SGK3: variants seen among roughly 807,000 people sequenced by gnomAD.
SGK3 encodes the protein serum/glucocorticoid regulated kinase family member 3.
In SGK3, 47 loss-of-function variants were observed where a neutral mutation model predicts 68.5. The observed-to-expected ratio is 0.69, with a 90% CI of 0.54 to 0.87. The LOEUF (loss-of-function observed/expected upper bound fraction) is 0.87. Among genes scored for constraint, SGK3 ranks in the 40% least tolerant of loss-of-function variants. The pLI, the probability that SGK3 is intolerant of heterozygous loss-of-function variation, is 0.00. For missense variants in SGK3, 479 were observed against 575.5 expected (o/e 0.83, Z 1.72); for synonymous variants, 181 against 189.1 (o/e 0.96, Z 0.35).
chr8:66,727,650 G>T (rs891074736), intron 1 of SGK3, among the ~76,000 whole-genome samples: 1 of 152,150 alleles, frequency 6.6e-6, no homozygotes, highest in African/African-American at 2.4e-5. Flanking sequence ...GCTTTCTGCC[G>T]TATGAGGACA....
At chr8:66,726,848 TCCTGAA>T (rs1341125601) in intron 1 of SGK3, among the ~76,000 whole-genome samples, 1 of 142,340 alleles carries the variant, frequency 7.0e-6, no homozygotes, top group Non-Finnish European at 1.5e-5. Context: ...TTGTGTTAAA[TCCTGAA>T]CCTATAGAAT....
At chr8:66,760,357 C>T (rs1422235171) in intron 1 of SGK3, among the ~76,000 whole-genome samples, 6 of 113,034 alleles carry the variant, frequency 5.3e-5, no homozygotes, top group East Asian at 2.8e-4. Flanking sequence ...TTTTTTGAGA[C>T]GGAGTCTTGC....
At chr8:66,733,448 T>A (rs1236089364) in intron 1 of SGK3, among the ~76,000 whole-genome samples, 1 of 152,222 alleles carries the variant, frequency 6.6e-6, no homozygotes, top group South Asian at 2.1e-4. Context: ...ATTGTTTTAG[T>A]AAGTCTTTTC....
chr8:66,810,418 C>G (rs1231243635), intron 4 of SGK3, among the ~76,000 whole-genome samples: 2 of 152,094 alleles, frequency 1.3e-5, no homozygotes, highest in African/African-American at 4.8e-5. Context: ...AAAATAAAGT[C>G]AGCTGGGAGC....
At chr8:66,754,647 A>G (rs534544804) in intron 1 of SGK3, among the ~76,000 whole-genome samples, 1 of 152,366 alleles carries the variant, frequency 6.6e-6, no homozygotes, top group South Asian at 2.1e-4. Flanking sequence ...GTCATTTTAT[A>G]CAATATTTTA....
chr8:66,794,288 G>A lies in SGK3; in HGVS notation c.96+456G>A, dbSNP rs561072372. ...AGGCTAAGCCATTTCTAATTTTATC[G>A]TTTATCACTGTAGTATCTACTATAG... is the stretch of plus-strand genomic sequence containing the variant. On this transcript the variant is annotated intron_variant, in intron 2 of 16. Coordinates refer to ENST00000521198, the MANE Select transcript of SGK3 (RefSeq NM_001033578.3). Among the ~76,000 whole-genome samples the A allele has an allele frequency of 1.8e-4, 28 of 151,544 alleles. No individual in the cohort carries two copies. In the South Asian group the frequency reaches 4.6e-3, roughly 25 times the overall value.
intron 3 of SGK3, among the ~76,000 whole-genome samples, chr8:66,799,168 A>C (rs1807823067): frequency 6.6e-6 from 1 of 152,236 alleles, no homozygotes; most frequent in Non-Finnish European, 1.5e-5. Context: ...TTATATTTTC[A>C]TAACTCAGAT....
intron 1 of SGK3, among the ~76,000 whole-genome samples, chr8:66,728,283 T>C (rs1158626693): frequency 6.6e-6 from 1 of 152,156 alleles, no homozygotes; most frequent in Non-Finnish European, 1.5e-5. Context: ...CTTAGTATAA[T>C]GTTTTCAATG....
intron 1 of SGK3, among the ~76,000 whole-genome samples, chr8:66,737,044 T>A (rs1805337903): frequency 6.6e-6 from 1 of 151,348 alleles, no homozygotes; most frequent in Non-Finnish European, 1.5e-5. Flanking sequence ...TCCCAAAGTA[T>A]TGGGATTACA....
intron 4 of SGK3, among the ~76,000 whole-genome samples, chr8:66,806,841 A>G (rs1235903385): frequency 1.3e-5 from 2 of 152,016 alleles, no homozygotes; most frequent in Non-Finnish European, 2.9e-5. Context: ...AGAAAACACA[A>G]AAGAAATCTT....
intron 1 of SGK3, chr8:66,775,398 G>A (rs1482687848): frequency 1.3e-5 from 2 of 152,474 alleles, no homozygotes; most frequent in South Asian, 2.1e-4. Flanking sequence ...CCAGGTGGAG[G>A]GACCCCGGGG....
At chr8:66,772,937 T>C (rs576617667) in intron 1 of SGK3, among the ~76,000 whole-genome samples, 2 of 152,144 alleles carry the variant, frequency 1.3e-5, no homozygotes, top group Non-Finnish European at 2.9e-5. Context: ...AGATTCTAAA[T>C]AGCAGAAAAC....
chr8:66,786,309 C>T (rs762116059), intron 1 of SGK3, among the ~76,000 whole-genome samples: 6 of 152,164 alleles, frequency 3.9e-5, no homozygotes, highest in Non-Finnish European at 7.3e-5. Context: ...GAAGTCAGAC[C>T]ACCTGGGTTC....
chr8:66,808,043 G>A (rs550452716), intron 4 of SGK3, among the ~76,000 whole-genome samples: 2 of 152,114 alleles, frequency 1.3e-5, no homozygotes, highest in East Asian at 3.9e-4. Context: ...GTAGGAAAAG[G>A]TATGGGGATT....
intron 1 of SGK3, among the ~76,000 whole-genome samples, chr8:66,717,210 A>AAAAAAAAAC (rs549359816): frequency 1.4e-5 from 2 of 139,806 alleles, no homozygotes; most frequent in African/African-American, 3.1e-5. Context: ...TTTATCTGAA[A>AAAAAAAAAC]AAAAAAAACA....
At chr8:66,742,853 C>T (rs1805521922) in intron 1 of SGK3, among the ~76,000 whole-genome samples, 1 of 152,132 alleles carries the variant, frequency 6.6e-6, no homozygotes, top group Admixed American at 6.6e-5. Context: ...GGTTAGTCTC[C>T]AATCATGCCT....
At chr8:66,768,796 C>T (rs998833397) in intron 1 of SGK3, among the ~76,000 whole-genome samples, 1 of 152,132 alleles carries the variant, frequency 6.6e-6, no homozygotes, top group South Asian at 2.1e-4. Flanking sequence ...AACTCCTGAC[C>T]TCAAGTGATC....
intron 6 of SGK3, among the ~76,000 whole-genome samples, chr8:66,828,198 C>A (rs977323286): frequency 6.6e-6 from 1 of 152,056 alleles, no homozygotes; most frequent in Non-Finnish European, 1.5e-5. Flanking sequence ...TACCTACCAT[C>A]AAATTAAAAT....
At chr8:66,713,709 C>G (rs1052672312) in intron 1 of SGK3, among the ~76,000 whole-genome samples, 13 of 151,742 alleles carry the variant, frequency 8.6e-5, no homozygotes, top group Non-Finnish European at 1.9e-4. Flanking sequence ...GCGCTGGGCT[C>G]TTTCTAAGTT....
Sources: gnomAD v4.1 joint callset for allele counts (sites outside exome capture counted in the v4.1 genomes callset) on GRCh38, gnomAD v4.1.1 for gene constraint, MANE v1.5 for transcripts, NCBI Gene and HGNC (gene_info 2026-07-23, HGNC 2026-07-21) for gene names.